Variants in SLF1 observed in about 807,000 individuals in gnomAD.
SLF1 encodes SMC5/6 complex localization factor 1.
A neutral mutation model predicts 123.0 loss-of-function variants in SLF1; 105 were observed. The ratio of observed to expected loss-of-function variants is 0.85; its 90% CI spans 0.73 to 1.00. The LOEUF is 1.00. Among genes scored for constraint, SLF1 ranks in the 50% least tolerant of loss-of-function variants. SLF1 has a pLI of 0.00. For synonymous variants in SLF1, 434 were observed against 406.6 expected (o/e 1.07, Z -0.81); for missense variants, 1,239 against 1,223.0 (o/e 1.01, Z -0.20).
At position 94,688,621 on chromosome 5, in the gene SLF1, T is replaced by C; in HGVS notation, c.2237T>C (p.Met746Thr). ...PCFDSQRTLLMLNGTKQKQVE... is the reference protein window; with the variant it reads ...PCFDSQRTLLTLNGTKQKQVE... ...TTTGACTCTCAGAGAACCTTACTAA[T>C]GCTGAATGGTACTAAACAAAAACAA... The change falls in exon 17 of 21, where the codon ATG becomes ACG. Residue 746 changes from methionine (M) to threonine (T), a missense_variant. By Grantham distance (81) the Met-to-Thr change is moderately conservative (BLOSUM62 -1). Transcript: ENST00000265140. 1 of 1,614,100 alleles carries C rather than the reference T, an allele frequency of 6.2e-7. No homozygotes were observed. The highest frequency in any genetic ancestry group is 8.5e-7 in the Non-Finnish European group (1 of 1,179,982).
intron 1 of SLF1, among the ~76,000 whole-genome samples, chr5:94,626,270 A>G (rs967039615): frequency 6.6e-6 from 1 of 151,590 alleles, no homozygotes; most frequent in African/African-American, 2.4e-5. Flanking sequence ...AAAAAAAAAA[A>G]GTAATTGGAT....
intron 5 of SLF1, among the ~76,000 whole-genome samples, chr5:94,647,785 T>G (rs1028347966): frequency 6.6e-6 from 1 of 152,212 alleles, no homozygotes; most frequent in Non-Finnish European, 1.5e-5. Flanking sequence ...GATCATTTGT[T>G]TAGCTGTATA....
intron 2 of SLF1, 76 bp from the exon 3 acceptor site, chr5:94,629,016 T>C (rs1237674275): frequency 3.6e-6 from 5 of 1,407,032 alleles, no homozygotes; most frequent in East Asian, 2.5e-5. Flanking sequence ...TTCTTGATAT[T>C]GTAGCAATAA....
chr5:94,662,244 A>G, intron 9 of SLF1, 54 bp from the exon 10 acceptor site: 4 of 1,457,850 alleles, frequency 2.7e-6, no homozygotes, highest in East Asian at 2.5e-5. Context: ...GGAAGCTGAA[A>G]TGTATTTTTC....
intron 8 of SLF1, among the ~76,000 whole-genome samples, chr5:94,654,286 C>T (rs1021640354): frequency 6.6e-5 from 10 of 151,026 alleles, no homozygotes; most frequent in African/African-American, 2.4e-4. Flanking sequence ...TTTTGTATGA[C>T]CATGGCAACA....
intron 4 of SLF1, among the ~76,000 whole-genome samples, chr5:94,636,586 C>A (rs1470969305): frequency 6.6e-6 from 1 of 151,846 alleles, no homozygotes; most frequent in Non-Finnish European, 1.5e-5. Context: ...TTATATTCTT[C>A]ATCTCCAAAA....
intron 4 of SLF1, among the ~76,000 whole-genome samples, chr5:94,633,071 A>C (rs1312959788): frequency 2.0e-5 from 3 of 151,250 alleles, no homozygotes; most frequent in African/African-American, 2.4e-5. Flanking sequence ...GCTCACCGCA[A>C]CCTCTGCCTC....
intron 14 of SLF1, among the ~76,000 whole-genome samples, chr5:94,672,892 T>G (rs529576212): frequency 1.3e-5 from 2 of 152,216 alleles, no homozygotes; most frequent in African/African-American, 4.8e-5. Context: ...TGAGAAGTTA[T>G]TTGTAGAAAC....
At chr5:94,677,081 A>G (rs879625575) in intron 14 of SLF1, among the ~76,000 whole-genome samples, 10 of 152,210 alleles carry the variant, frequency 6.6e-5, no homozygotes, top group Non-Finnish European at 1.5e-4. Flanking sequence ...TCCGTAATAT[A>G]TAACATAATA....
At position 94,695,163 on chromosome 5, in the gene SLF1, C is replaced by T. The variant is rs555585116; in HGVS notation, c.3028C>T (p.Leu1010Phe). The part of the protein sequence containing the change: ...TSVHTDWLLD[L>F]YAGNIKTLQK... ...TGTTCATACTGACTGGTTACTGGAT[C>T]TTTATGCTGGAAATATAAAGACATT... Residue 1010 changes from leucine to phenylalanine, a missense_variant, in exon 21 of 21, where the codon CTT becomes TTT. By Grantham distance (22) the Leu-to-Phe change is conservative (BLOSUM62 0). Coordinates refer to ENST00000265140, the MANE Select transcript of SLF1 (RefSeq NM_032290.4). 3 of 1,612,770 alleles carry T rather than the reference C, an allele frequency of 1.9e-6. No individual in the cohort carries two copies. The highest frequency in any genetic ancestry group is 1.7e-5 in the Admixed American group (1 of 59,874).
intron 11 of SLF1, among the ~76,000 whole-genome samples, chr5:94,664,872 T>G (rs577354483): frequency 9.2e-4 from 140 of 152,298 alleles, no homozygotes; most frequent in Non-Finnish European, 8.1e-4. Flanking sequence ...GTCCTGCAGT[T>G]GCTTCTTCAG....
At position 94,666,025 on chromosome 5, in the gene SLF1, G is replaced by A; in HGVS notation, c.1532+1G>A. 1.9e-6 allele frequency: 3 copies of A among 1,542,264 alleles called. No individual in the cohort carries two copies. Among genetic ancestry groups the A allele is most frequent in the Non-Finnish European group, 2.6e-6 (3 of 1,143,720 alleles). ...GGTCTTTAGTAGAAGTCCTTATCAG[G>A]TAAGGAATTTCACATTTGACGATGC... On this transcript the variant is annotated splice_donor_variant, in intron 12 of 20. Transcript: ENST00000265140. LOFTEE classifies it high-confidence loss of function.
chr5:94,622,489 A>G (rs1351320619), intron 1 of SLF1, among the ~76,000 whole-genome samples: 4 of 152,212 alleles, frequency 2.6e-5, no homozygotes, highest in African/African-American at 9.6e-5. Context: ...AAGATATGAA[A>G]CAATGTAATA....
At chr5:94,651,446 A>G (rs904482623) in intron 6 of SLF1, among the ~76,000 whole-genome samples, 1 of 152,194 alleles carries the variant, frequency 6.6e-6, no homozygotes, top group Admixed American at 6.5e-5. Flanking sequence ...GATTTGTAAT[A>G]CTCATTAATC....
chr5:94,671,041 A>G (rs548720013), intron 14 of SLF1, 33 bp downstream of exon 14: 61 of 1,389,094 alleles, frequency 4.4e-5, no homozygotes, highest in Non-Finnish European at 5.9e-5. Flanking sequence ...TGAATAGTCT[A>G]TGGAAACAGC....
At chr5:94,625,747 A>T (rs1792180066) in intron 1 of SLF1, among the ~76,000 whole-genome samples, 1 of 152,198 alleles carries the variant, frequency 6.6e-6, no homozygotes, top group East Asian at 1.9e-4. Context: ...CCTAGAAATA[A>T]TGAAAGCATT....
At chr5:94,633,543 T>C (rs191387977) in intron 4 of SLF1, among the ~76,000 whole-genome samples, 3 of 152,294 alleles carry the variant, frequency 2.0e-5, no homozygotes, top group South Asian at 2.1e-4. Flanking sequence ...AATTTCTGTT[T>C]AGCATTTACT....
chr5:94,686,850 C>A, intron 16 of SLF1, 132 bp downstream of exon 16: 1 of 1,050,248 alleles, frequency 9.5e-7, no homozygotes, highest in Non-Finnish European at 1.3e-6. Flanking sequence ...TGCAGTGGCG[C>A]AATCGCGGCT....
intron 1 of SLF1, among the ~76,000 whole-genome samples, chr5:94,628,143 T>C (rs1234330675): frequency 1.3e-5 from 2 of 151,222 alleles, no homozygotes; most frequent in African/African-American, 4.9e-5. Flanking sequence ...CAATACTTTC[T>C]TTATTTGTTT....
Sources: gnomAD v4.1 joint callset for allele counts (sites outside exome capture counted in the v4.1 genomes callset) on GRCh38, gnomAD v4.1.1 for gene constraint, MANE v1.5 for transcripts, NCBI Gene and HGNC (gene_info 2026-07-23, HGNC 2026-07-21) for gene names.